The following TMEM131L variants were observed in gnomAD, a reference collection of about 807,000 sequenced individuals.
TMEM131L encodes the protein transmembrane 131 like, also known as transmembrane protein 131-like.
A neutral mutation model predicts 192.2 loss-of-function variants in TMEM131L; 54 were observed. The observed-to-expected ratio is 0.28, with a 90% CI of 0.23 to 0.35. The LOEUF (loss-of-function observed/expected upper bound fraction) is 0.35, where lower values mean the gene tolerates loss of function less well. Ranked by LOEUF, TMEM131L falls within the 10% of genes least tolerant of loss-of-function variation. The probability of loss-of-function intolerance (pLI) is 1.00; values close to 1 mark genes in which losing one functional copy is unlikely to be tolerated. For missense variants in TMEM131L, 1,888 were observed against 1,972.9 expected (o/e 0.96, Z 0.82); for synonymous variants, 701 against 704.9 (o/e 0.99, Z 0.09).
intron 3 of TMEM131L, among the ~76,000 whole-genome samples, chr4:153,517,469 T>TA (rs1041717999): frequency 2.5e-4 from 37 of 150,912 alleles, no homozygotes; most frequent in African/African-American, 8.9e-4. Flanking sequence ...ATATAGTGTG[T>TA]ATTTTTTTTT....
intron 2 of TMEM131L, among the ~76,000 whole-genome samples, chr4:153,469,081 T>A (rs961833354): frequency 6.6e-6 from 1 of 152,236 alleles, no homozygotes; most frequent in African/African-American, 2.4e-5. Context: ...ATACAATTCT[T>A]AATTTCTGGT....
intron 3 of TMEM131L, among the ~76,000 whole-genome samples, chr4:153,494,097 G>A (rs1002278959): frequency 4.6e-5 from 7 of 152,106 alleles, no homozygotes; most frequent in African/African-American, 1.7e-4. Flanking sequence ...GTGATCTTGA[G>A]CCTCAGTTTT....
intron 3 of TMEM131L, among the ~76,000 whole-genome samples, chr4:153,508,637 A>G (rs1734144212): frequency 6.6e-6 from 1 of 151,990 alleles, no homozygotes; most frequent in African/African-American, 2.4e-5. Flanking sequence ...TATCTCATCG[A>G]ATTCCTTGAA....
At chr4:153,494,704 T>C (rs1030021751) in intron 3 of TMEM131L, among the ~76,000 whole-genome samples, 1 of 152,294 alleles carries the variant, frequency 6.6e-6, no homozygotes, top group Middle Eastern at 3.4e-3. Flanking sequence ...ACCTAAACAA[T>C]AGGAAGTTGT....
chr4:153,583,747 C>G (rs959746648), intron 11 of TMEM131L, 75 bp downstream of exon 11: 1 of 830,576 alleles, frequency 1.2e-6, no homozygotes, highest in East Asian at 2.5e-5. Context: ...TCTACAACTA[C>G]AGATTAGGCA....
Position 153,466,536 on chromosome 4 carries a change from G to C in TMEM131L, c.124+15G>C. On this transcript the variant is annotated intron_variant, in intron 1 of 34. Transcript: ENST00000409959. ...TCAGGGACAAGGTCAGCCTTGCGCCGCTGGGCTCGCTCTGCCTCTCCACCC... is the reference window on the plus strand; with the variant it reads ...TCAGGGACAAGGTCAGCCTTGCGCCCCTGGGCTCGCTCTGCCTCTCCACCC... 7.6e-7 allele frequency: 1 copy of C among 1,323,036 alleles called. No homozygotes were observed. Among genetic ancestry groups the C allele is most frequent in the Admixed American group, 3.3e-5 (1 of 30,296 alleles). The allele number at this position is 1,323,036 out of a possible 1,614,324, so 82.0% of individuals were successfully genotyped here.
chr4:153,583,956 A>G (rs1485084492), intron 11 of TMEM131L, among the ~76,000 whole-genome samples: 2 of 152,370 alleles, frequency 1.3e-5, no homozygotes, highest in East Asian at 1.9e-4. Context: ...ACAGGAGTCT[A>G]TGCAGGCTGT....
intron 3 of TMEM131L, among the ~76,000 whole-genome samples, chr4:153,520,257 C>A (rs1454366517): frequency 6.6e-6 from 1 of 151,848 alleles, no homozygotes; most frequent in Non-Finnish European, 1.5e-5. Context: ...GAGTTTGAGA[C>A]CAGCCTAGGC....
intron 3 of TMEM131L, among the ~76,000 whole-genome samples, chr4:153,474,421 G>A (rs531624778): frequency 9.2e-5 from 14 of 152,330 alleles, no homozygotes; most frequent in African/African-American, 3.1e-4. Flanking sequence ...TTGGTCAGAG[G>A]GAATGGAGGT....
intron 7 of TMEM131L, among the ~76,000 whole-genome samples, chr4:153,563,849 C>T (rs2150539457): frequency 6.6e-6 from 1 of 152,192 alleles, no homozygotes; most frequent in Non-Finnish European, 1.5e-5. Flanking sequence ...CAACACTGCA[C>T]ACAAAGATAT....
intron 1 of TMEM131L, among the ~76,000 whole-genome samples, chr4:153,466,887 C>G (rs189052889): frequency 9.3e-4 from 142 of 152,266 alleles, no homozygotes; most frequent in South Asian, 2.9e-3. Context: ...AGCCTGGCCG[C>G]CCAGGGTCCA....
intron 24 of TMEM131L, 60 bp downstream of exon 24, chr4:153,603,512 A>G: frequency 6.7e-7 from 1 of 1,500,968 alleles, no homozygotes. Context: ...GATATTACTC[A>G]TTTCTGATTT....
chr4:153,495,626 T>C (rs1453486175), intron 3 of TMEM131L, among the ~76,000 whole-genome samples: 2 of 152,184 alleles, frequency 1.3e-5, no homozygotes, highest in Admixed American at 6.5e-5. Context: ...CAATCAAATA[T>C]GCATTTTTTT....
In TMEM131L at chr4:153,466,406, G is replaced by C. The variant is rs983611947; in HGVS notation, c.9G>C (p.Gly3=). The change falls in exon 1 of 35, where the codon GGG becomes GGC. Residue 3 remains glycine (G), a synonymous_variant. Coordinates refer to ENST00000409959, the MANE Select transcript of TMEM131L (RefSeq NM_001131007.2). MA[G]LRRPQPGCYC... is the part of the protein sequence containing the mutation. ...GGAGCGCGAGCAGCAGCATGGCGGGGCTCCGACGCCCGCAGCCCGGCTGCT... is the reference window on the plus strand; with the variant it reads ...GGAGCGCGAGCAGCAGCATGGCGGGCCTCCGACGCCCGCAGCCCGGCTGCT... The C allele has an allele frequency of 1.6e-5, 22 of 1,345,662 alleles. No homozygotes were observed. Among genetic ancestry groups the C allele is most frequent in the Non-Finnish European group, 2.0e-5 (21 of 1,043,358 alleles). 83.4% of individuals were successfully genotyped at this position (1,345,662 alleles called of 1,614,324 possible).
chr4:153,599,986 C>A (rs1731719910), intron 21 of TMEM131L, among the ~76,000 whole-genome samples: 1 of 152,038 alleles, frequency 6.6e-6, no homozygotes, highest in Non-Finnish European at 1.5e-5. Context: ...TGCAGTGAGC[C>A]AAGATCGTGC....
intron 3 of TMEM131L, among the ~76,000 whole-genome samples, chr4:153,506,757 C>T (rs147272271): frequency 0.024 from 3,636 of 149,594 alleles, 67 homozygotes; most frequent in South Asian, 0.066. Context: ...GCAGGAGAAT[C>T]GCTTGAATCC....
At chr4:153,622,803 T>G (rs1733530514) in intron 28 of TMEM131L, 95 bp from the exon 29 acceptor site, 1 of 1,212,846 alleles carries the variant, frequency 8.2e-7, no homozygotes, top group East Asian at 2.3e-5. Flanking sequence ...AAGGTGAACC[T>G]GGCCCTACTC....
At chr4:153,612,139 TA>T in intron 25 of TMEM131L, 112 bp from the exon 26 acceptor site, 2 of 701,094 alleles carry the variant, frequency 2.9e-6, no homozygotes, top group Non-Finnish European at 4.4e-6. Context: ...AAAACAATGC[TA>T]AATTTAATTT....
At position 153,572,324 on chromosome 4, in the gene TMEM131L, C is replaced by CT. The variant is rs568232949; in HGVS notation, c.661-8496dup. On this transcript the variant is annotated intron_variant, in intron 7 of 34. Coordinates refer to ENST00000409959, the MANE Select transcript of TMEM131L (RefSeq NM_001131007.2). ...GTTACCCAGCAAGGTTTGGTTATTT[C>CT]TTTTTTGTTTTGTTTTGTTTTTTGA... Among the ~76,000 whole-genome samples, 42 of 152,124 alleles carry CT rather than the reference C, an allele frequency of 2.8e-4. 1 individual carries two copies. In the East Asian group the frequency reaches 8.1e-3, roughly 29 times the overall value.
Sources: gnomAD v4.1 joint callset for allele counts (sites outside exome capture counted in the v4.1 genomes callset) on GRCh38, gnomAD v4.1.1 for gene constraint, MANE v1.5 for transcripts, NCBI Gene and HGNC (gene_info 2026-07-23, HGNC 2026-07-21) for gene names.